ARHGAP42: variants seen among roughly 807,000 people sequenced by gnomAD.
ARHGAP42 encodes Rho GTPase activating protein 42.
A neutral mutation model predicts 125.0 loss-of-function variants in ARHGAP42; 63 were observed. The ratio of observed to expected loss-of-function variants is 0.50; its 90% CI spans 0.41 to 0.62. The LOEUF (loss-of-function observed/expected upper bound fraction) is 0.62, where lower values mean the gene tolerates loss of function less well. Among genes scored for constraint, ARHGAP42 ranks in the 20% least tolerant of loss-of-function variants. The probability of loss-of-function intolerance (pLI) is 0.00; values close to 1 mark genes in which losing one functional copy is unlikely to be tolerated. For missense variants in ARHGAP42, 766 were observed against 1,024.2 expected, an observed-to-expected ratio of 0.75 and a Z score of 3.44; for synonymous variants, 339 against 351.0, an observed-to-expected ratio of 0.97 and a Z score of 0.38.
At chr11:100,800,090 A>G (rs993046385) in intron 3 of ARHGAP42, among the ~76,000 whole-genome samples, 2 of 152,200 alleles carry the variant, frequency 1.3e-5, no homozygotes, top group Non-Finnish European at 2.9e-5. Flanking sequence ...ACTAGTTACT[A>G]TGTTTTTGTG....
At chr11:100,777,816 A>G (rs1863167000) in intron 2 of ARHGAP42, among the ~76,000 whole-genome samples, 1 of 152,222 alleles carries the variant, frequency 6.6e-6, no homozygotes, top group Non-Finnish European at 1.5e-5. Flanking sequence ...AATTTTCTTC[A>G]GAATTTGGTC....
intron 3 of ARHGAP42, among the ~76,000 whole-genome samples, chr11:100,798,504 G>A (rs1863775255): frequency 6.6e-6 from 1 of 152,108 alleles, no homozygotes; most frequent in Non-Finnish European, 1.5e-5. Context: ...ACGATTGTTA[G>A]CATTTTTCAG....
intron 3 of ARHGAP42, among the ~76,000 whole-genome samples, chr11:100,824,088 G>T (rs1028942971): frequency 2.6e-5 from 4 of 152,158 alleles, no homozygotes; most frequent in African/African-American, 9.7e-5. Context: ...AATTAAGACA[G>T]TGTTTGTGCT....
rs188705180 is a variant in ARHGAP42 at position 100,800,607 on chromosome 11, C to T, written c.312+5441C>T. 1.1e-3 allele frequency among the ~76,000 whole-genome samples: 171 copies of T among 152,132 alleles called. 1 individual carries two copies. Among genetic ancestry groups the T allele is most frequent in the Non-Finnish European group, 1.8e-3 (120 of 67,996 alleles). On this transcript the variant is annotated intron_variant, in intron 3 of 23. Coordinates refer to ENST00000298815, the MANE Select transcript of ARHGAP42 (RefSeq NM_152432.4). Reference sequence around the variant, plus strand: ...TAAGCCATGGAGATGAAGGAAGATCCGACCACCCATTTCTTAGTGTTTCAA... The same window carrying T: ...TAAGCCATGGAGATGAAGGAAGATCTGACCACCCATTTCTTAGTGTTTCAA...
At chr11:100,944,202 T>C (rs76433466) in intron 10 of ARHGAP42, among the ~76,000 whole-genome samples, 7,470 of 152,032 alleles carry the variant, frequency 0.049, 312 homozygotes, top group East Asian at 0.25. Flanking sequence ...ATCAGCCTTT[T>C]GGTGGGCTTT....
chr11:100,773,873 C>T (rs1003476022), intron 2 of ARHGAP42, among the ~76,000 whole-genome samples: 1 of 151,770 alleles, frequency 6.6e-6, no homozygotes, highest in Non-Finnish European at 1.5e-5. Context: ...GGTTGGAGAT[C>T]AGGAGATGAA....
At chr11:100,704,506 C>G (rs1164669038) in intron 1 of ARHGAP42, among the ~76,000 whole-genome samples, 1 of 152,118 alleles carries the variant, frequency 6.6e-6, no homozygotes, top group Non-Finnish European at 1.5e-5. Flanking sequence ...GCCTTTTCTT[C>G]CCAGTATTGC....
At chr11:100,980,559 C>CTTCTTTTTTTTTTTTTTTTTCTTTTTTTT (rs1555037006) in intron 22 of ARHGAP42, among the ~76,000 whole-genome samples, 1 of 51,960 alleles carries the variant, frequency 1.9e-5, no homozygotes, top group Non-Finnish European at 3.8e-5. Flanking sequence ...TTTTCTTCTT[C>CTTCTTTTTTTTTTTTTTTTTCTTTTTTTT]TTTTTTTTTT....
At chr11:100,841,120 T>C (rs1470510406) in intron 3 of ARHGAP42, among the ~76,000 whole-genome samples, 3 of 152,156 alleles carry the variant, frequency 2.0e-5, no homozygotes, top group Non-Finnish European at 2.9e-5. Context: ...ACTTTATAAT[T>C]AGATGACATG....
intron 1 of ARHGAP42, among the ~76,000 whole-genome samples, chr11:100,734,542 A>G (rs1862025765): frequency 1.3e-5 from 2 of 152,296 alleles, no homozygotes; most frequent in South Asian, 2.1e-4. Flanking sequence ...TGGCCTCCCA[A>G]AGTGCTGGGA....
intron 5 of ARHGAP42, among the ~76,000 whole-genome samples, chr11:100,920,516 C>G (rs1191670293): frequency 6.6e-6 from 1 of 152,034 alleles, no homozygotes; most frequent in African/African-American, 2.4e-5. Flanking sequence ...ACTTAGTACT[C>G]CAGAAAGCCC....
chr11:100,960,232 A>ATT (rs10644950), intron 13 of ARHGAP42, among the ~76,000 whole-genome samples: 78,072 of 147,200 alleles, frequency 0.53, 21,849 homozygotes, highest in African/African-American at 0.64. Flanking sequence ...CACCTCTTTG[A>ATT]TTTTTTTTTT....
chr11:100,723,822 G>T (rs1469927316), intron 1 of ARHGAP42, among the ~76,000 whole-genome samples: 1 of 152,004 alleles, frequency 6.6e-6, no homozygotes, highest in Non-Finnish European at 1.5e-5. Context: ...GGATATCATT[G>T]TCTTGTTCCC....
chr11:100,826,706 T>C (rs750911661), intron 3 of ARHGAP42, among the ~76,000 whole-genome samples: 1 of 152,128 alleles, frequency 6.6e-6, no homozygotes, highest in Non-Finnish European at 1.5e-5. Context: ...ACCTTGTAAA[T>C]TTGGGGACTC....
chr11:100,960,882 A>C, intron 13 of ARHGAP42, 33 bp from the exon 14 acceptor site: 1 of 1,401,890 alleles, frequency 7.1e-7, no homozygotes, highest in Non-Finnish European at 9.6e-7. Context: ...GCTGTATCTC[A>C]AGCCGTTTTC....
At chr11:100,761,968 C>A (rs577688594) in intron 1 of ARHGAP42, among the ~76,000 whole-genome samples, 1 of 152,228 alleles carries the variant, frequency 6.6e-6, no homozygotes, top group East Asian at 1.9e-4. Context: ...TGCTCTGAAA[C>A]ACATGGCAGT....
rs1190735201 is a variant in ARHGAP42, at chr11:100,988,662, T to C, written c.2537-51T>C. The stretch of plus-strand genomic sequence containing the variant: ...GTGTTTAACCCATCTGTTTATATAA[T>C]TATTTGACACTAATGTTGACTGAGT... On this transcript the variant is annotated intron_variant, in intron 23 of 23. Transcript: ENST00000298815. 7 of 1,423,754 alleles carry C rather than the reference T, an allele frequency of 4.9e-6. No individual in the cohort carries two copies. The East Asian group carries it at 1.5e-4, about 30-fold the overall frequency. 88.2% of individuals were successfully genotyped at this position (1,423,754 alleles called of 1,614,324 possible). A position where few individuals can be genotyped will look rare whatever the true frequency, so the allele number is the denominator to read the frequency against.
chr11:100,822,155 G>A, intron 3 of ARHGAP42, among the ~76,000 whole-genome samples: 1 of 152,074 alleles, frequency 6.6e-6, no homozygotes, highest in East Asian at 1.9e-4. Context: ...TTCAGTACTT[G>A]TCTAAAATAC....
chr11:100,954,805 A>G lies in ARHGAP42; in HGVS notation c.1162+4849A>G, dbSNP rs370901817. ...TATGGAGAGTTAACTGCCCATCCTT[A>G]AGGAGCAGAGAAAAGGTCCAGTAGG... On this transcript the variant is annotated intron_variant, in intron 12 of 23. Transcript: ENST00000298815. Among the ~76,000 whole-genome samples the G allele has an allele frequency of 1.2e-3, 183 of 152,250 alleles. 2 individuals are homozygous for G. The highest frequency in any genetic ancestry group is 4.0e-3 in the African/African-American group (165 of 41,564).
Sources: gnomAD v4.1 joint callset for allele counts (sites outside exome capture counted in the v4.1 genomes callset) on GRCh38, gnomAD v4.1.1 for gene constraint, MANE v1.5 for transcripts, NCBI Gene and HGNC (gene_info 2026-07-23, HGNC 2026-07-21) for gene names.